The following ANKRD6 variants were observed in gnomAD, a reference collection of about 807,000 sequenced individuals.
ANKRD6 encodes the protein ankyrin repeat domain 6.
A neutral mutation model predicts 82.3 loss-of-function variants in ANKRD6; 56 were observed. The ratio of observed to expected loss-of-function variants is 0.68; its 90% confidence interval spans 0.55 to 0.85. The LOEUF (loss-of-function observed/expected upper bound fraction) is 0.85, where lower values mean the gene tolerates loss of function less well. Among genes scored for constraint, ANKRD6 ranks in the 40% least tolerant of loss-of-function variants. ANKRD6 has a pLI of 0.00. For missense variants in ANKRD6, 852 were observed against 907.6 expected, an observed-to-expected ratio of 0.94 and a Z score of 0.79; for synonymous variants, 347 against 352.1, an observed-to-expected ratio of 0.99 and a Z score of 0.16.
chr6:89,614,900 C>T (rs1801174350), intron 7 of ANKRD6, among the ~76,000 whole-genome samples: 1 of 150,320 alleles, frequency 6.7e-6, no homozygotes, highest in Non-Finnish European at 1.5e-5. Context: ...AGTCTTATAA[C>T]TCCCTAAGTT....
chr6:89,612,170 G>T, intron 5 of ANKRD6, 102 bp from the exon 6 acceptor site: 1 of 1,012,336 alleles, frequency 9.9e-7, no homozygotes, highest in Non-Finnish European at 1.5e-6. Context: ...GAATGTGAGC[G>T]TTGCCTTTTC....
At chr6:89,596,234 T>C (rs748787259) in intron 3 of ANKRD6, among the ~76,000 whole-genome samples, 1 of 152,100 alleles carries the variant, frequency 6.6e-6, no homozygotes, top group Non-Finnish European at 1.5e-5. Flanking sequence ...GGGGTGGTTC[T>C]CCATCATGGT....
chr6:89,438,299 G>A (rs1465745470), intron 1 of ANKRD6, among the ~76,000 whole-genome samples: 3 of 152,176 alleles, frequency 2.0e-5, no homozygotes, highest in Non-Finnish European at 4.4e-5. Context: ...GTGACTCAGG[G>A]ATCAAGGTTC....
Position 89,624,186 on chromosome 6 carries a change from C to A in ANKRD6, c.1218+129C>A, listed in dbSNP as rs1804730655. ...GTTGAGCACAAGCTTTGAAGGTAAGCCAGATGGCCTCCCCACCTGCACGGT... is the reference window on the plus strand; with the variant it reads ...GTTGAGCACAAGCTTTGAAGGTAAGACAGATGGCCTCCCCACCTGCACGGT... On this transcript the variant is annotated intron_variant, in intron 12 of 15. Coordinates refer to ENST00000339746, the MANE Select transcript of ANKRD6 (RefSeq NM_001242809.2). 9 of 1,097,456 alleles carry A rather than the reference C, an allele frequency of 8.2e-6. No homozygotes were observed. The East Asian group carries it at 2.3e-4, about 28-fold the overall frequency. The allele number at this position is 1,097,456 out of a possible 1,614,324, so 68.0% of individuals were successfully genotyped here.
intron 1 of ANKRD6, among the ~76,000 whole-genome samples, chr6:89,450,443 C>T (rs1007342255): frequency 6.6e-6 from 1 of 152,276 alleles, no homozygotes; most frequent in Admixed American, 6.5e-5. Flanking sequence ...AGACAAGGCC[C>T]TCCACTAGCA....
intron 1 of ANKRD6, among the ~76,000 whole-genome samples, chr6:89,450,600 C>T (rs1442595167): frequency 6.6e-6 from 1 of 152,126 alleles, no homozygotes; most frequent in East Asian, 1.9e-4. Context: ...TCAGTGCCAC[C>T]TTGAATTCCT....
intron 12 of ANKRD6, 116 bp downstream of exon 12, chr6:89,624,173 C>G (rs1804728058): frequency 1.6e-6 from 2 of 1,243,882 alleles, no homozygotes; most frequent in Admixed American, 5.6e-5. Context: ...TGAGCACAAG[C>G]TTTGAAGGTA....
At position 89,611,362 on chromosome 6, in the gene ANKRD6, C is replaced by T. The variant is rs75180964; in HGVS notation, c.418-910C>T. ...CAGCACTTGAGCTCAGCAGAACCAA[C>T]GCGGAGCTTCTGTGTTTAACCTCCT... On this transcript the variant is annotated intron_variant, in intron 5 of 15. Coordinates refer to ENST00000339746, the MANE Select transcript of ANKRD6 (RefSeq NM_001242809.2). 3.4e-4 allele frequency among the ~76,000 whole-genome samples: 52 copies of T among 152,304 alleles called. 1 individual carries two copies. The East Asian group carries it at 8.9e-3, about 26-fold the overall frequency.
chr6:89,546,464 G>A (rs1460071412), intron 1 of ANKRD6, among the ~76,000 whole-genome samples: 1 of 67,552 alleles, frequency 1.5e-5, no homozygotes, highest in Non-Finnish European at 3.4e-5. Context: ...TTGATTGATC[G>A]ATTGATCGAT....
intron 1 of ANKRD6, among the ~76,000 whole-genome samples, chr6:89,453,903 G>A (rs1304095486): frequency 1.3e-5 from 2 of 151,960 alleles, no homozygotes; most frequent in Non-Finnish European, 2.9e-5. Flanking sequence ...ATGGGTTCAC[G>A]CCATTCTCCT....
chr6:89,586,961 G>T (rs147508077), intron 2 of ANKRD6, among the ~76,000 whole-genome samples: 2,461 of 152,060 alleles, frequency 0.016, 78 homozygotes, highest in African/African-American at 0.055. Flanking sequence ...GGCTGAGGTG[G>T]GTGGATCACT....
chr6:89,455,525 G>A (rs1773397795), intron 1 of ANKRD6, among the ~76,000 whole-genome samples: 1 of 152,138 alleles, frequency 6.6e-6, no homozygotes, highest in African/African-American at 2.4e-5. Context: ...ATGTGGAATT[G>A]TAATCCCCAA....
chr6:89,584,946 G>A (rs1793387212), intron 2 of ANKRD6, among the ~76,000 whole-genome samples: 1 of 151,838 alleles, frequency 6.6e-6, no homozygotes, highest in African/African-American at 2.4e-5. Flanking sequence ...CCTCTTATAG[G>A]GGCACTAATC....
chr6:89,590,988 T>C (rs1794769493), intron 2 of ANKRD6, among the ~76,000 whole-genome samples: 1 of 152,196 alleles, frequency 6.6e-6, no homozygotes, highest in Admixed American at 6.5e-5. Flanking sequence ...CTCTGCCCAA[T>C]TATTGGTCTC....
chr6:89,609,598 G>C lies in ANKRD6; in HGVS notation c.418-2674G>C, dbSNP rs989201673. Among the ~76,000 whole-genome samples the C allele has an allele frequency of 2.0e-5, 3 of 151,562 alleles. No individual in the cohort carries two copies. In the East Asian group the frequency reaches 5.8e-4, roughly 30 times the overall value. On this transcript the variant is annotated intron_variant, in intron 5 of 15. Transcript: ENST00000339746. ...ATTACAGGAGTGAGCCACCGAACCC[G>C]GCCTGTAATCACCACGTTTTTTTGT...
chr6:89,558,159 G>A (rs1184550491), intron 1 of ANKRD6, among the ~76,000 whole-genome samples: 1 of 152,170 alleles, frequency 6.6e-6, no homozygotes, highest in Non-Finnish European at 1.5e-5. Flanking sequence ...AGACAGTATA[G>A]ACATTTCTTA....
At position 89,447,697 on chromosome 6, in the gene ANKRD6, T is replaced by C. The variant is rs1376727606; in HGVS notation, c.-144+14322T>C. On this transcript the variant is annotated intron_variant, in intron 1 of 15. Coordinates refer to ENST00000339746, the MANE Select transcript of ANKRD6 (RefSeq NM_001242809.2). The stretch of plus-strand genomic sequence containing the variant: ...CATTTAGGACTTTGTTTTTCTTTCT[T>C]TTTCTTTTGAGGTGGAGTTTTACTC... Among the ~76,000 whole-genome samples, 2 of 152,108 alleles carry C rather than the reference T, an allele frequency of 1.3e-5. 1 individual carries two copies. Among genetic ancestry groups the C allele is most frequent in the Non-Finnish European group, 2.9e-5 (2 of 68,024 alleles).
chr6:89,509,198 G>A (rs1162608048), intron 1 of ANKRD6: 6 of 152,350 alleles, frequency 3.9e-5, no homozygotes, highest in African/African-American at 1.4e-4. Flanking sequence ...GTGGGCTAGG[G>A]TCGGCTTGCC....
In ANKRD6 at chr6:89,617,974, G is replaced by A. The variant is rs766833437; in HGVS notation, c.735G>A (p.Glu245=). The stretch of plus-strand genomic sequence containing the variant: ...CTCAGGCAGGCCAGACTCCGCTGGA[G>A]ACTGCCCGCTACCACAATAACCCGG... The part of the protein sequence containing the change: ...IVNNAGQTPL[E]TARYHNNPEV... Residue 245 remains glutamate (E), a synonymous_variant, in exon 9 of 16, where the codon GAG becomes GAA. Transcript: ENST00000339746. 3 of 1,614,030 alleles carry A rather than the reference G, an allele frequency of 1.9e-6. No homozygotes were observed. Among genetic ancestry groups the A allele is most frequent in the East Asian group, 4.5e-5 (2 of 44,884 alleles).
Sources: gnomAD v4.1 joint callset for allele counts (sites outside exome capture counted in the v4.1 genomes callset) on GRCh38, gnomAD v4.1.1 for gene constraint, MANE v1.5 for transcripts, NCBI Gene and HGNC (gene_info 2026-07-23, HGNC 2026-07-21) for gene names.